The following PAPSS2 variants were observed in gnomAD, a reference collection of about 807,000 sequenced individuals.
PAPSS2 encodes 3'-phosphoadenosine 5'-phosphosulfate synthase 2, also known as bifunctional 3'-phosphoadenosine 5'-phosphosulfate synthase 2.
In PAPSS2, 61 loss-of-function variants were observed where a neutral mutation model predicts 66.5. The ratio of observed to expected loss-of-function variants is 0.92; its 90% CI spans 0.75 to 1.14. The LOEUF (loss-of-function observed/expected upper bound fraction) is 1.14. Ranked by LOEUF, PAPSS2 falls within the 50% of genes most tolerant of loss-of-function variation. The pLI, the probability that PAPSS2 is intolerant of heterozygous loss-of-function variation, is 0.00. For synonymous variants in PAPSS2, 289 were observed against 287.5 expected, an observed-to-expected ratio of 1.01 and a Z score of -0.05; for missense variants, 708 against 789.6, an observed-to-expected ratio of 0.90 and a Z score of 1.24.
At chr10:87,704,968 CTGTGTT>C (rs1171529662) in intron 1 of PAPSS2, among the ~76,000 whole-genome samples, 1 of 152,196 alleles carries the variant, frequency 6.6e-6, no homozygotes, top group African/African-American at 2.4e-5. Context: ...CAAAACAGCT[CTGTGTT>C]TGTGTGCGTG....
intron 10 of PAPSS2, among the ~76,000 whole-genome samples, chr10:87,741,716 C>T (rs187386321): frequency 1.5e-3 from 226 of 150,854 alleles, no homozygotes; most frequent in African/African-American, 5.2e-3. Context: ...TATTAATATT[C>T]CCTTACCACC....
chr10:87,701,430 C>CTCTCTCTCTT lies in PAPSS2; in HGVS notation c.28-7763_28-7762insCTCTCTTTCT, dbSNP rs373318487. 2.6e-3 allele frequency among the ~76,000 whole-genome samples: 188 copies of CTCTCTCTCTT among 73,246 alleles called. 28 individuals are homozygous for CTCTCTCTCTT. Among genetic ancestry groups the CTCTCTCTCTT allele is most frequent in the African/African-American group, 0.014 (167 of 12,330 alleles). 48.1% of individuals were successfully genotyped at this position (73,246 alleles called of 152,430 possible). Reference sequence around the variant, plus strand: ...TCTCTCTCTCTCTCTCTCTCTCTCTCTCTTTCTTTCAGACAAGGTCTCACT... The same window carrying CTCTCTCTCTT: ...TCTCTCTCTCTCTCTCTCTCTCTCTCTCTCTCTCTTTCTTTCTTTCAGACAAGGTCTCACT... On this transcript the variant is annotated intron_variant, in intron 1 of 12. Coordinates refer to ENST00000456849, the MANE Select transcript of PAPSS2 (RefSeq NM_001015880.2).
intron 1 of PAPSS2, among the ~76,000 whole-genome samples, chr10:87,673,397 C>A (rs947312783): frequency 2.0e-5 from 3 of 151,932 alleles, no homozygotes; most frequent in Non-Finnish European, 4.4e-5. Context: ...TGGCCTCAAG[C>A]GATCCTCCCA....
Position 87,715,842 on chromosome 10 carries a change from T to C in PAPSS2, c.864T>C (p.Asp288=). 6.4e-7 allele frequency: 1 copy of C among 1,557,002 alleles called. No homozygotes were observed. Among genetic ancestry groups the C allele is most frequent in the South Asian group, 1.1e-5 (1 of 89,930 alleles). Residue 288 remains aspartate (D), a splice_region_variant and synonymous_variant, in exon 7 of 13, where the codon GAT becomes GAC. Transcript: ENST00000456849. ...TTATGCACTTTGACACCCTGCTAGA[T>C]GGTATGTTTTTGTTGTTGTTTCTTA... is the stretch of plus-strand genomic sequence containing the variant. The part of the protein sequence containing the change: ...LQVMHFDTLL[D]GMALPDGVIN...
chr10:87,680,743 A>G lies in PAPSS2; in HGVS notation c.27+20735A>G, dbSNP rs182900256. 3.9e-5 allele frequency among the ~76,000 whole-genome samples: 6 copies of G among 152,230 alleles called. No individual in the cohort carries two copies. The East Asian group carries it at 1.2e-3, about 29-fold the overall frequency. ...ATAACTGGCACACAGATTAGGAAAC[A>G]GAATACTACCTGAATCCCACAAATG... On this transcript the variant is annotated intron_variant, in intron 1 of 12. Coordinates refer to ENST00000456849, the MANE Select transcript of PAPSS2 (RefSeq NM_001015880.2).
chr10:87,722,042 C>T (rs1008785992), intron 8 of PAPSS2, among the ~76,000 whole-genome samples: 2 of 152,126 alleles, frequency 1.3e-5, no homozygotes, highest in Non-Finnish European at 2.9e-5. Context: ...TATCATTGTA[C>T]ATTTTGTTCC....
chr10:87,715,183 G>A (rs529784757), intron 6 of PAPSS2, 85 bp downstream of exon 6: 2 of 782,834 alleles, frequency 2.6e-6, no homozygotes, highest in Admixed American at 3.8e-5. Flanking sequence ...AATAAGAAAA[G>A]TATAAATAAG....
intron 11 of PAPSS2, among the ~76,000 whole-genome samples, chr10:87,744,709 T>G (rs2131732016): frequency 6.6e-6 from 1 of 152,346 alleles, no homozygotes; most frequent in East Asian, 1.9e-4. Flanking sequence ...CACATAGTTC[T>G]GTAGAATAGT....
intron 1 of PAPSS2, among the ~76,000 whole-genome samples, chr10:87,705,006 A>C (rs74506262): frequency 0.011 from 1,701 of 152,332 alleles, 34 homozygotes; most frequent in African/African-American, 0.039. Context: ...ATTTACAACG[A>C]AATACACATT....
At chr10:87,744,774 C>T (rs7918095) in intron 11 of PAPSS2, among the ~76,000 whole-genome samples, 2 of 152,174 alleles carry the variant, frequency 1.3e-5, no homozygotes, top group African/African-American at 4.8e-5. Context: ...TGAGGAAATA[C>T]AACCTTGAGT....
chr10:87,685,886 G>A (rs1285880403), intron 1 of PAPSS2, among the ~76,000 whole-genome samples: 3 of 152,134 alleles, frequency 2.0e-5, no homozygotes, highest in Non-Finnish European at 4.4e-5. Context: ...AAATTCTGCG[G>A]TTCAAATTGT....
At chr10:87,721,133 ATTACAT>A (rs1853595340) in intron 7 of PAPSS2, among the ~76,000 whole-genome samples, 1 of 152,236 alleles carries the variant, frequency 6.6e-6, no homozygotes, top group Admixed American at 6.5e-5. Context: ...GACATAGATT[ATTACAT>A]TTAATCAGGA....
intron 1 of PAPSS2, among the ~76,000 whole-genome samples, chr10:87,695,548 A>G (rs1853221824): frequency 6.6e-6 from 1 of 152,230 alleles, no homozygotes; most frequent in African/African-American, 2.4e-5. Flanking sequence ...ACCAAGGCTG[A>G]ACATCATTTG....
chr10:87,660,333 C>A, intron 1 of PAPSS2: 1 of 521,256 alleles, frequency 1.9e-6, no homozygotes, highest in Non-Finnish European at 3.4e-6. Flanking sequence ...CTTTCTTTCC[C>A]AAGAGCTCTT....
chr10:87,735,060 C>T (rs1301824982), intron 9 of PAPSS2, among the ~76,000 whole-genome samples: 2 of 152,168 alleles, frequency 1.3e-5, no homozygotes, highest in Non-Finnish European at 2.9e-5. Flanking sequence ...CTATTTGCTA[C>T]TTCACTGGGC....
At chr10:87,740,725 A>G (rs1425071594) in intron 9 of PAPSS2, among the ~76,000 whole-genome samples, 2 of 152,184 alleles carry the variant, frequency 1.3e-5, no homozygotes, top group Non-Finnish European at 2.9e-5. Context: ...CTATAGTTGG[A>G]CTTCCTTTTT....
intron 12 of PAPSS2, 97 bp downstream of exon 12, chr10:87,745,328 A>T: frequency 1.1e-6 from 1 of 928,724 alleles, no homozygotes; most frequent in South Asian, 1.4e-5. Flanking sequence ...GTGCATTGCC[A>T]CATGCTCCCA....
At chr10:87,675,410 G>A (rs1852931672) in intron 1 of PAPSS2, among the ~76,000 whole-genome samples, 1 of 152,158 alleles carries the variant, frequency 6.6e-6, no homozygotes, top group Non-Finnish European at 1.5e-5. Context: ...GTTTGGAATT[G>A]GATAAAAATT....
At chr10:87,660,327 C>T (rs1360222032) in intron 1 of PAPSS2, 1 of 535,044 alleles carries the variant, frequency 1.9e-6, no homozygotes, top group East Asian at 3.3e-5. Flanking sequence ...AATCCCCTTT[C>T]TTTCCCAAGA....
Sources: gnomAD v4.1 joint callset for allele counts (sites outside exome capture counted in the v4.1 genomes callset) on GRCh38, gnomAD v4.1.1 for gene constraint, MANE v1.5 for transcripts, NCBI Gene and HGNC (gene_info 2026-07-23, HGNC 2026-07-21) for gene names.